The following NUP93 variants were observed in gnomAD, a reference collection of about 807,000 sequenced individuals.
The protein encoded by NUP93 is nuclear pore complex protein Nup93.
Under a neutral mutation model 107.8 loss-of-function variants are expected in NUP93, and 55 were observed. The ratio of observed to expected loss-of-function variants is 0.51; its 90% confidence interval spans 0.41 to 0.64. The LOEUF is 0.64. Ranked by LOEUF, NUP93 falls within the 30% of genes least tolerant of loss-of-function variation. NUP93 has a pLI of 0.00. For synonymous variants in NUP93, 390 were observed against 397.5 expected (o/e 0.98, Z 0.22); for missense variants, 937 against 1,044.7 (o/e 0.90, Z 1.42).
intron 20 of NUP93, 106 bp downstream of exon 20, chr16:56,839,710 T>C (rs542152181): frequency 1.8e-5 from 16 of 904,992 alleles, no homozygotes; most frequent in Non-Finnish European, 2.8e-5. Context: ...TTACAGTAAC[T>C]ATCCAGACTG....
At position 56,830,609 on chromosome 16, in the gene NUP93, G is replaced by GTC; in HGVS notation, c.1010_1011insCT (p.Val338Ter). ...TGGAGACCTGCTTGCCGCTTCACAGGTAGTTAATCGAGCCCAGCACCAGCT... is the reference window on the plus strand; with the variant it reads ...TGGAGACCTGCTTGCCGCTTCACAGGTCTAGTTAATCGAGCCCAGCACCAGCT... On this transcript the variant is annotated frameshift_variant, in exon 10 of 22. Coordinates refer to ENST00000308159, the MANE Select transcript of NUP93 (RefSeq NM_014669.5). LOFTEE classifies it high-confidence loss of function. 2.5e-6 allele frequency: 4 copies of GTC among 1,610,918 alleles called. No homozygotes were observed. The highest frequency in any genetic ancestry group is 3.4e-6 in the Non-Finnish European group (4 of 1,177,314).
In NUP93 at chr16:56,838,989, G is replaced by T. The variant is rs748209131; in HGVS notation, c.2056G>T (p.Asp686Tyr). The change falls in exon 19 of 22, where the codon GAC becomes TAC. Residue 686 changes from aspartate to tyrosine, a missense_variant. Coordinates refer to ENST00000308159, the MANE Select transcript of NUP93 (RefSeq NM_014669.5). ...AQGISANKFV[D>Y]STFYLLLDLI... is the part of the protein sequence containing the mutation. ...AGGAATAAGCGCAAATAAATTTGTG[G>T]ACTCCACGTTCTATCTTCTTTTGGA... The T allele has an allele frequency of 1.5e-5, 25 of 1,613,998 alleles. 1 individual carries two copies. The South Asian group carries it at 2.6e-4, about 17-fold the overall frequency.
intron 5 of NUP93, among the ~76,000 whole-genome samples, chr16:56,808,842 A>G (rs1247939329): frequency 6.8e-6 from 1 of 147,462 alleles, no homozygotes; most frequent in Non-Finnish European, 1.5e-5. Context: ...ATATATATAA[A>G]TACACATATA....
chr16:56,832,136 G>A, intron 11 of NUP93, 129 bp downstream of exon 11: 1 of 1,288,038 alleles, frequency 7.8e-7, no homozygotes, highest in South Asian at 1.3e-5. Flanking sequence ...CTCGTCTCCT[G>A]TCCCCATTTT....
In NUP93 at chr16:56,844,505, C is replaced by T. The variant is rs190188561; in HGVS notation, c.2356C>T (p.Arg786Ter). 1.4e-6 allele frequency: 2 copies of T among 1,464,250 alleles called. No homozygotes were observed. The highest frequency in any genetic ancestry group is 2.6e-5 in the East Asian group (1 of 38,390). 90.7% of individuals were successfully genotyped at this position (1,464,250 alleles called of 1,614,324 possible). A position where few individuals can be genotyped will look rare whatever the true frequency, so the allele number is the denominator to read the frequency against. The change falls in exon 22 of 22, where the codon CGA (arginine) becomes TGA (stop). Residue 786 changes from arginine to a stop codon, truncating the protein, a stop_gained. Transcript: ENST00000308159. LOFTEE classifies it high-confidence loss of function. Reference protein sequence around the residue: ...RVIEDRDSQLRSQARTLITFA... With the variant: ...RVIEDRDSQL ...TCCTTCCCTTCTCTCTCAGCAACTC[C>T]GAAGTCAAGCCCGCACTCTGATTAC...
At position 56,836,128 on chromosome 16, in the gene NUP93, C is replaced by CA. The variant is rs766959511; in HGVS notation, c.1783-458dup. Among the ~76,000 whole-genome samples the CA allele has an allele frequency of 9.5e-3, 897 of 94,630 alleles. 7 individuals are homozygous for CA. The highest frequency in any genetic ancestry group is 0.019 in the African/African-American group (473 of 24,726). 62.1% of individuals were successfully genotyped at this position (94,630 alleles called of 152,430 possible). A position where few individuals can be genotyped will look rare whatever the true frequency, so the allele number is the denominator to read the frequency against. On this transcript the variant is annotated intron_variant, in intron 16 of 21. Transcript: ENST00000308159. ...TGGGAGACAGAGCAAGACTCTGTCT[C>CA]AAAAAAAAAAAAAAAGAAATGTCCT...
rs188320774 is a variant in NUP93, at chr16:56,771,925, G to A, written c.297+13270G>A. ...GTCAGGGGTTTTAGAGCAGATTGAA[G>A]GAAAGATTTTTTGGTTTTGTTTTTG... On this transcript the variant is annotated intron_variant, in intron 3 of 21. Transcript: ENST00000308159. 2.0e-5 allele frequency among the ~76,000 whole-genome samples: 3 copies of A among 152,324 alleles called. No individual in the cohort carries two copies. In the East Asian group the frequency reaches 5.8e-4, roughly 29 times the overall value.
intron 2 of NUP93, among the ~76,000 whole-genome samples, chr16:56,753,701 A>G (rs1266929992): frequency 6.6e-6 from 1 of 152,212 alleles, no homozygotes; most frequent in Non-Finnish European, 1.5e-5. Flanking sequence ...CAGAATCTTC[A>G]ACAAAGATTA....
rs1458635346 is a variant in NUP93, at chr16:56,847,331, A to G, written c.*2722A>G. The G allele has an allele frequency of 1.3e-5, 2 of 152,210 alleles. No homozygotes were observed. The highest frequency in any genetic ancestry group is 6.5e-5 in the Admixed American group (1 of 15,284). The allele number at this position is 152,210 out of a possible 1,614,324, so 9.4% of individuals were successfully genotyped here. ...AGTCCTGACCCTGTGACAGGTTATT[A>G]TCTTAAAAACTCATCTTCAGCCCAC... On this transcript the variant is annotated 3_prime_UTR_variant, in exon 22 of 22. Coordinates refer to ENST00000308159, the MANE Select transcript of NUP93 (RefSeq NM_014669.5).
chr16:56,832,163 A>G (rs1963806892), intron 11 of NUP93, 132 bp from the exon 12 acceptor site: 1 of 1,216,744 alleles, frequency 8.2e-7, no homozygotes, highest in Non-Finnish European at 1.2e-6. Flanking sequence ...TGTAATTCCC[A>G]GCTCATAACC....
chr16:56,755,013 T>C (rs1002276834), intron 2 of NUP93, among the ~76,000 whole-genome samples: 1 of 152,200 alleles, frequency 6.6e-6, no homozygotes, highest in Non-Finnish European at 1.5e-5. Flanking sequence ...TGGGAAAAAT[T>C]GGAATCTTTA....
chr16:56,787,297 A>G (rs567517655), intron 3 of NUP93, among the ~76,000 whole-genome samples: 1 of 152,384 alleles, frequency 6.6e-6, no homozygotes, highest in East Asian at 1.9e-4. Context: ...TCCCATCAGC[A>G]TAAGCATTGC....
At chr16:56,763,506 GT>G (rs1567379796) in intron 3 of NUP93, among the ~76,000 whole-genome samples, 16 of 126,364 alleles carry the variant, frequency 1.3e-4, no homozygotes. Flanking sequence ...GTGGGTGGGT[GT>G]GTGTGTGTAT....
intron 18 of NUP93, among the ~76,000 whole-genome samples, chr16:56,838,563 A>G (rs181540673): frequency 3.4e-4 from 52 of 151,930 alleles, no homozygotes; most frequent in African/African-American, 1.1e-3. Context: ...CTTTTTATAC[A>G]TTTTTTTTGT....
intron 11 of NUP93, 111 bp from the exon 12 acceptor site, chr16:56,832,184 A>G: frequency 8.0e-7 from 1 of 1,247,430 alleles, no homozygotes; most frequent in South Asian, 1.2e-5. Context: ...ATAGCCTTAA[A>G]CACAGCTTCT....
intron 7 of NUP93, among the ~76,000 whole-genome samples, chr16:56,823,483 A>C (rs1164705791): frequency 6.6e-6 from 1 of 152,176 alleles, no homozygotes; most frequent in African/African-American, 2.4e-5. Flanking sequence ...TCTGAAAACC[A>C]ACTCAGGGCA....
At chr16:56,769,454 C>T (rs910690063) in intron 3 of NUP93, among the ~76,000 whole-genome samples, 2 of 152,120 alleles carry the variant, frequency 1.3e-5, no homozygotes, top group Non-Finnish European at 2.9e-5. Context: ...TTCAGTTTTA[C>T]AGAAAGACCA....
chr16:56,750,143 G>A (rs1274370790), intron 2 of NUP93, among the ~76,000 whole-genome samples: 1 of 152,210 alleles, frequency 6.6e-6, no homozygotes. Flanking sequence ...ACAATTATCG[G>A]TCATGCTCTC....
At chr16:56,751,751 A>C (rs1961924063) in intron 2 of NUP93, among the ~76,000 whole-genome samples, 4 of 152,330 alleles carry the variant, frequency 2.6e-5, no homozygotes, top group South Asian at 2.1e-4. Flanking sequence ...TGCTGGGAAC[A>C]GTCCTTGTCC....
Sources: allele counts gnomAD v4.1 joint callset (sites outside exome capture counted in the v4.1 genomes callset), GRCh38; gene constraint gnomAD v4.1.1; transcripts MANE v1.5; gene names NCBI Gene and HGNC (gene_info 2026-07-23, HGNC 2026-07-21).